ANKRD30BL: variants seen among roughly 807,000 people sequenced by gnomAD.
ANKRD30BL encodes the protein ankyrin repeat domain 30B like.
ANKRD30BL carries 20 observed loss-of-function variants against 18.4 expected under a neutral mutation model. That is an observed-to-expected ratio of 1.09 (90% CI 0.77 to 1.58). The LOEUF (loss-of-function observed/expected upper bound fraction) is 1.58, where lower values mean the gene tolerates loss of function less well. Ranked by LOEUF, ANKRD30BL falls within the 40% of genes most tolerant of loss-of-function variation. ANKRD30BL has a pLI of 0.00. For synonymous variants in ANKRD30BL, 72 were observed against 100.9 expected, an observed-to-expected ratio of 0.71 and a Z score of 1.72; for missense variants, 224 against 268.6, an observed-to-expected ratio of 0.83 and a Z score of 1.16.
At chr2:132,222,832 T>TTAAAAA (rs559303905) in intron 1 of ANKRD30BL, among the ~76,000 whole-genome samples, 40 of 52,816 alleles carry the variant, frequency 7.6e-4, no homozygotes, top group South Asian at 2.0e-3. Flanking sequence ...GAATGATCAA[T>TTAAAAA]AAAAAAAAAA....
chr2:132,221,712 TG>T, intron 1 of ANKRD30BL, among the ~76,000 whole-genome samples: 1 of 88,630 alleles, frequency 1.1e-5, no homozygotes, highest in South Asian at 3.9e-4. Context: ...GCCCCCTGCC[TG>T]GCCAGCCGCC....
chr2:132,225,065 T>C (rs1458811002), intron 1 of ANKRD30BL, among the ~76,000 whole-genome samples: 2 of 151,846 alleles, frequency 1.3e-5, no homozygotes, highest in African/African-American at 2.4e-5. Flanking sequence ...TTCTTAATAA[T>C]AGAGCAGTTT....
chr2:132,221,987 C>G lies in ANKRD30BL; in HGVS notation n.441+35542G>C, dbSNP rs538907217. Among the ~76,000 whole-genome samples the G allele has an allele frequency of 8.7e-3, 1,180 of 135,232 alleles. 5 individuals are homozygous for G. The highest frequency in any genetic ancestry group is 0.013 in the Non-Finnish European group (802 of 63,398). 88.7% of individuals were successfully genotyped at this position (135,232 alleles called of 152,430 possible). ...GAGGGGCGCCTCTGCCTGGCCGCCC[C>G]TACTGGGAAGTGAGGAGCCCCTCTG... On this transcript the variant is annotated intron_variant and non_coding_transcript_variant, in intron 1 of 4. Transcript: ENST00000470729.
intron 1 of ANKRD30BL, among the ~76,000 whole-genome samples, chr2:132,243,045 G>A (rs932530894): frequency 6.6e-6 from 1 of 151,500 alleles, no homozygotes; most frequent in Admixed American, 6.6e-5. Context: ...GTTGGAAACG[G>A]GAATATCTTC....
intron 1 of ANKRD30BL, among the ~76,000 whole-genome samples, chr2:132,244,808 T>C (rs62164012): frequency 6.6e-6 from 1 of 152,272 alleles, no homozygotes; most frequent in Non-Finnish European, 1.5e-5. Context: ...TTTGTGATGT[T>C]TGCATTCATC....
chr2:132,167,954 T>C (rs895456053), intron 1 of ANKRD30BL, among the ~76,000 whole-genome samples: 7 of 152,218 alleles, frequency 4.6e-5, no homozygotes, highest in Non-Finnish European at 7.3e-5. Context: ...ACAGTTATCT[T>C]ATGGGTCAAT....
upstream of ANKRD30BL, among the ~76,000 whole-genome samples, chr2:132,164,284 T>C (rs1042072564): frequency 1.5e-4 from 22 of 147,814 alleles, no homozygotes; most frequent in Non-Finnish European, 3.1e-4. Context: ...TTTTTTTTTT[T>C]TTTTTTTTTA....
intron 1 of ANKRD30BL, among the ~76,000 whole-genome samples, chr2:132,238,829 T>C (rs796231747): frequency 5.3e-5 from 8 of 152,094 alleles, no homozygotes; most frequent in South Asian, 2.1e-4. Flanking sequence ...AGAAATTTCT[T>C]TGTGATGTTT....
At chr2:132,221,214 G>A (rs1432408395) in intron 1 of ANKRD30BL, among the ~76,000 whole-genome samples, 8 of 141,356 alleles carry the variant, frequency 5.7e-5, no homozygotes, top group African/African-American at 1.2e-4. Context: ...CCCCCCGCCC[G>A]GCCAGCCGCC....
chr2:132,254,226 G>A (rs1304702802), intron 1 of ANKRD30BL, among the ~76,000 whole-genome samples: 2 of 151,772 alleles, frequency 1.3e-5, no homozygotes, highest in East Asian at 3.9e-4. Flanking sequence ...TGGCTCTCGG[G>A]GCAGGTGGGG....
chr2:132,230,658 T>C (rs1451454523), intron 1 of ANKRD30BL, among the ~76,000 whole-genome samples: 1 of 152,156 alleles, frequency 6.6e-6, no homozygotes, highest in Admixed American at 6.6e-5. Context: ...ACATAAAAAC[T>C]AGACAGAAGC....
intron 1 of ANKRD30BL, among the ~76,000 whole-genome samples, chr2:132,210,024 A>C (rs1018860879): frequency 1.3e-5 from 2 of 151,960 alleles, no homozygotes; most frequent in African/African-American, 4.8e-5. Flanking sequence ...AAAAGGAAGT[A>C]TCTTCAATTA....
At chr2:132,222,334 G>T (rs1273294912) in intron 1 of ANKRD30BL, among the ~76,000 whole-genome samples, 1 of 152,174 alleles carries the variant, frequency 6.6e-6, no homozygotes, top group Admixed American at 6.5e-5. Context: ...TCTGGGAGGT[G>T]TGCCCAGCGG....
chr2:132,171,591 A>G (rs1391183301), intron 1 of ANKRD30BL, among the ~76,000 whole-genome samples: 1 of 152,228 alleles, frequency 6.6e-6, no homozygotes, highest in African/African-American at 2.4e-5. Context: ...GAATTACTGC[A>G]TTATATCACA....
intron 1 of ANKRD30BL, 84 bp downstream of exon 1, chr2:132,161,404 G>A: frequency 1.5e-6 from 2 of 1,295,862 alleles, no homozygotes; most frequent in Non-Finnish European, 2.1e-6. Flanking sequence ...TCGTCCCCAG[G>A]ACCCCCAGGC....
intron 1 of ANKRD30BL, chr2:132,256,903 AG>A: frequency 2.2e-6 from 1 of 460,366 alleles, no homozygotes; most frequent in South Asian, 1.5e-5. Flanking sequence ...GGGCACAGAC[AG>A]GCAAGGCCAG....
chr2:132,209,731 T>C (rs989438681), intron 1 of ANKRD30BL, among the ~76,000 whole-genome samples: 11 of 152,200 alleles, frequency 7.2e-5, no homozygotes, highest in Admixed American at 2.6e-4. Context: ...TTCTTTGTGA[T>C]GTGTGCATTC....
intron 1 of ANKRD30BL, among the ~76,000 whole-genome samples, chr2:132,204,238 C>A (rs1009228602): frequency 5.9e-5 from 9 of 151,820 alleles, no homozygotes; most frequent in African/African-American, 2.2e-4. Flanking sequence ...AGGAACATAA[C>A]CTGTTCTGGG....
chr2:132,174,674 G>C (rs910501953), intron 1 of ANKRD30BL, among the ~76,000 whole-genome samples: 1 of 152,220 alleles, frequency 6.6e-6, no homozygotes, highest in Non-Finnish European at 1.5e-5. Flanking sequence ...GTTATACTCA[G>C]CTACTTCATT....
Sources: allele counts gnomAD v4.1 joint callset (sites outside exome capture counted in the v4.1 genomes callset), GRCh38; gene constraint gnomAD v4.1.1; transcripts MANE v1.5; gene names NCBI Gene and HGNC (gene_info 2026-07-23, HGNC 2026-07-21).